Variants in DZIP3 observed in about 807,000 individuals in gnomAD.
DZIP3 encodes the protein E3 ubiquitin-protein ligase DZIP3.
A neutral mutation model predicts 162.0 loss-of-function variants in DZIP3; 118 were observed. The observed-to-expected ratio is 0.73, with a 90% CI of 0.63 to 0.85. DZIP3 has a LOEUF of 0.85. DZIP3 is among the 40% of genes least tolerant of loss of function. The pLI is 0.00. For missense variants in DZIP3, 1,331 were observed against 1,407.0 expected (o/e 0.95, Z 0.86); for synonymous variants, 438 against 458.6 (o/e 0.96, Z 0.57).
At chr3:108,657,751 C>T (rs938000816) in intron 19 of DZIP3, among the ~76,000 whole-genome samples, 11 of 152,184 alleles carry the variant, frequency 7.2e-5, no homozygotes, top group Middle Eastern at 3.4e-3. Context: ...ACCCATCTCA[C>T]GTGCAGAGAC....
chr3:108,652,276 A>G (rs996803818), intron 18 of DZIP3, among the ~76,000 whole-genome samples: 1 of 151,800 alleles, frequency 6.6e-6, no homozygotes, highest in Non-Finnish European at 1.5e-5. Flanking sequence ...CTGATTCAAC[A>G]ATTATTTATG....
At chr3:108,634,839 C>T in intron 9 of DZIP3, 32 bp from the exon 10 acceptor site, 1 of 1,418,942 alleles carries the variant, frequency 7.0e-7, no homozygotes, top group Non-Finnish European at 9.9e-7. Flanking sequence ...TCACCATGTC[C>T]TTATTGATAA....
chr3:108,604,056 G>A (rs947320195), intron 1 of DZIP3, among the ~76,000 whole-genome samples: 2 of 152,136 alleles, frequency 1.3e-5, no homozygotes, highest in African/African-American at 2.4e-5. Flanking sequence ...TTCTTAATAA[G>A]TGACTTACAG....
At chr3:108,592,253 C>T (rs942286228) in intron 1 of DZIP3, among the ~76,000 whole-genome samples, 2 of 151,906 alleles carry the variant, frequency 1.3e-5, no homozygotes, top group Non-Finnish European at 2.9e-5. Context: ...GTGACAAATT[C>T]GAGAAGTATA....
chr3:108,682,213 G>A (rs1319972553), intron 26 of DZIP3, among the ~76,000 whole-genome samples: 2 of 150,914 alleles, frequency 1.3e-5, no homozygotes, highest in South Asian at 4.1e-4. Context: ...ATACAGTATC[G>A]AGGTTCCTCA....
At chr3:108,684,050 A>G (rs532371671) in intron 26 of DZIP3, among the ~76,000 whole-genome samples, 166 bp from the exon 27 acceptor site, 34 of 91,592 alleles carry the variant, frequency 3.7e-4, no homozygotes, top group Admixed American at 3.1e-3. Flanking sequence ...CAATATTCAT[A>G]TGTTTCATTT....
At chr3:108,624,994 A>C (rs1941529622) in intron 6 of DZIP3, among the ~76,000 whole-genome samples, 2 of 152,148 alleles carry the variant, frequency 1.3e-5, no homozygotes, top group Admixed American at 1.3e-4. Flanking sequence ...TAAATTAAAT[A>C]TATAAATATG....
chr3:108,615,114 T>C (rs1003222246), intron 4 of DZIP3, among the ~76,000 whole-genome samples: 4 of 152,192 alleles, frequency 2.6e-5, no homozygotes, highest in African/African-American at 4.8e-5. Flanking sequence ...CACAACTGAA[T>C]ATGGCAATTA....
At chr3:108,690,657 G>C (rs940362170) in intron 31 of DZIP3, 130 bp from the exon 32 acceptor site, 2 of 765,420 alleles carry the variant, frequency 2.6e-6, no homozygotes, top group African/African-American at 3.5e-5. Context: ...CAATTGGTTT[G>C]ACGATCCACA....
chr3:108,680,256 A>T (rs1944257561), intron 26 of DZIP3, among the ~76,000 whole-genome samples: 1 of 152,126 alleles, frequency 6.6e-6, no homozygotes, highest in African/African-American at 2.4e-5. Context: ...GCCCACTTTC[A>T]CTATTTCTAT....
rs151259123 is a variant in DZIP3 at position 108,684,302 on chromosome 3, G to A, written c.2970G>A (p.Pro990=). 1,887 of 1,612,786 alleles carry A rather than the reference G, an allele frequency of 1.2e-3. 10 individuals are homozygous for A. In the African/African-American group the frequency reaches 0.017, roughly 14 times the overall value. The change falls in exon 27 of 33, where the codon CCG becomes CCA. Residue 990 remains proline, a synonymous_variant. Coordinates refer to ENST00000361582, the MANE Select transcript of DZIP3 (RefSeq NM_014648.4). The part of the protein sequence containing the change: ...LTVPQMPAVC[P]GVVSATGQPR... ...TTCCTCAAATGCCTGCAGTTTGCCCGGGAGTCGTCTCTGCAACTGGCCAAC... is the reference window on the plus strand; with the variant it reads ...TTCCTCAAATGCCTGCAGTTTGCCCAGGAGTCGTCTCTGCAACTGGCCAAC...
intron 1 of DZIP3, among the ~76,000 whole-genome samples, chr3:108,595,969 T>A (rs1251506492): frequency 2.0e-5 from 3 of 152,224 alleles, no homozygotes; most frequent in African/African-American, 7.2e-5. Flanking sequence ...CAAGTTGTTT[T>A]CTTATAATGG....
At chr3:108,673,975 G>A (rs1028067303) in intron 23 of DZIP3, 103 bp from the exon 24 acceptor site, 2 of 922,090 alleles carry the variant, frequency 2.2e-6, no homozygotes, top group Non-Finnish European at 3.4e-6. Flanking sequence ...GCTATTGGAA[G>A]AAATTGAGAA....
Position 108,690,795 on chromosome 3 carries a change from ACCATGGT to A in DZIP3, c.3526_3532del (p.Pro1176Ter). The A allele has an allele frequency of 6.2e-7, 1 of 1,613,954 alleles. No individual in the cohort carries two copies. The highest frequency in any genetic ancestry group is 8.5e-7 in the Non-Finnish European group (1 of 1,179,872). ...ATCTTTTTGCTCCTTAGTGCATTAGACCATGGTTGATGCAACAGGGGACATGTCCAAC... is the reference window on the plus strand; with the variant it reads ...ATCTTTTTGCTCCTTAGTGCATTAGATGATGCAACAGGGGACATGTCCAAC... On this transcript the variant is annotated frameshift_variant, in exon 32 of 33. Transcript: ENST00000361582. LOFTEE classifies it high-confidence loss of function.
At chr3:108,661,652 AT>A (rs1360709753) in intron 19 of DZIP3, among the ~76,000 whole-genome samples, 1 of 152,074 alleles carries the variant, frequency 6.6e-6, no homozygotes, top group Non-Finnish European at 1.5e-5. Flanking sequence ...AAAAAAAGAA[AT>A]GGTAAGCATG....
At chr3:108,646,494 A>G in intron 14 of DZIP3, 123 bp from the exon 15 acceptor site, 1 of 718,586 alleles carries the variant, frequency 1.4e-6, no homozygotes, top group East Asian at 2.7e-5. Context: ...AAAGCTGGTT[A>G]TTTTTCCAGT....
intron 5 of DZIP3, among the ~76,000 whole-genome samples, chr3:108,621,527 G>A (rs1219187833): frequency 6.6e-6 from 1 of 152,132 alleles, no homozygotes; most frequent in Non-Finnish European, 1.5e-5. Flanking sequence ...AAAAAGTAGG[G>A]TTGGTATTTT....
chr3:108,678,206 T>C (rs756281951), intron 26 of DZIP3, among the ~76,000 whole-genome samples: 3 of 151,756 alleles, frequency 2.0e-5, no homozygotes, highest in Non-Finnish European at 2.9e-5. Context: ...GATGGGACTA[T>C]CTAGTTGCAG....
Position 108,616,523 on chromosome 3 carries a change from C to G in DZIP3, c.259-18C>G, listed in dbSNP as rs1474452951. 2 of 1,540,202 alleles carry G rather than the reference C, an allele frequency of 1.3e-6. No homozygotes were observed. The highest frequency in any genetic ancestry group is 8.9e-7 in the Non-Finnish European group (1 of 1,120,158). On this transcript the variant is annotated intron_variant, in intron 4 of 32. Transcript: ENST00000361582. ...TGTTCAGACTTATAGACATTTTTAACTGAATAATTTTCCACAGAGAGAAGT... is the reference window on the plus strand; with the variant it reads ...TGTTCAGACTTATAGACATTTTTAAGTGAATAATTTTCCACAGAGAGAAGT...
Sources: gnomAD v4.1 joint callset for allele counts (sites outside exome capture counted in the v4.1 genomes callset) on GRCh38, gnomAD v4.1.1 for gene constraint, MANE v1.5 for transcripts, NCBI Gene and HGNC (gene_info 2026-07-23, HGNC 2026-07-21) for gene names.